The following CNOT3 variants were observed in gnomAD, a reference collection of about 807,000 sequenced individuals.
The protein encoded by CNOT3 is CCR4-NOT transcription complex subunit 3.
Under a neutral mutation model 89.4 loss-of-function variants are expected in CNOT3, and 2 were observed. The ratio of observed to expected loss-of-function variants is 0.02; its 90% CI spans 0.01 to 0.07. The LOEUF is 0.07. Ranked by LOEUF, CNOT3 falls within the 10% of genes least tolerant of loss-of-function variation. The pLI is 1.00. For missense variants in CNOT3, 664 were observed against 1,010.2 expected (o/e 0.66, Z 4.65); for synonymous variants, 486 against 402.0 (o/e 1.21, Z -2.50).
At position 54,148,190 on chromosome 19, in the gene CNOT3, C is replaced by T. The variant is rs587744329; in HGVS notation, c.937C>T (p.His313Tyr). Residue 313 changes from histidine to tyrosine, a missense_variant, in exon 11 of 18, where the codon CAC (histidine) becomes TAC (tyrosine). Physicochemically the swap from His to Tyr is moderately conservative, Grantham distance 83. Coordinates refer to ENST00000221232, the MANE Select transcript of CNOT3 (RefSeq NM_014516.4). The surrounding 1 kb of genome is among the most constrained non-coding windows in gnomAD (Gnocchi z 6.3). ...CTCCAAGCCTGTCCACAGCAACCAG[C>T]ACCCTCAGTCCCCAGCTGTGCCGCC... is the stretch of plus-strand genomic sequence containing the variant. ...NGSKPVHSNQHPQSPAVPPTY... is the reference protein window; with the variant it reads ...NGSKPVHSNQYPQSPAVPPTY... 60 of 1,568,582 alleles carry T rather than the reference C, an allele frequency of 3.8e-5. No individual in the cohort carries two copies. The South Asian group carries it at 4.9e-4, about 13-fold the overall frequency.
In CNOT3 at chr19:54,155,489, GA is replaced by G; in HGVS notation, c.*83del. On this transcript the variant is annotated 3_prime_UTR_variant, in exon 18 of 18. Coordinates refer to ENST00000221232, the MANE Select transcript of CNOT3 (RefSeq NM_014516.4). ...GTGAGGGCCCTGCCCTGGAAGACTG[GA>G]GGGAGGCCCCAAGCCACGGGGCATC... 9.5e-7 allele frequency: 1 copy of G among 1,052,980 alleles called. No homozygotes were observed. The highest frequency in any genetic ancestry group is 1.4e-6 in the Non-Finnish European group (1 of 726,168). 65.2% of individuals were successfully genotyped at this position (1,052,980 alleles called of 1,614,324 possible). A position where few individuals can be genotyped will look rare whatever the true frequency, so the allele number is the denominator to read the frequency against.
At chr19:54,142,460 C>T (rs1221355667) in intron 1 of CNOT3, 1 of 31,640 alleles carries the variant, frequency 3.2e-5, no homozygotes, top group African/African-American at 3.1e-4. Flanking sequence ...ACGCCCTTCT[C>T]TGTGAGCTGC....
intron 15 of CNOT3, 48 bp downstream of exon 15, chr19:54,152,674 G>C: frequency 3.4e-6 from 5 of 1,492,278 alleles, no homozygotes; most frequent in Non-Finnish European, 4.7e-6. Context: ...GAGTCTTACG[G>C]AGGAGGCAGT....
At chr19:54,140,397 A>AGCACAGGTTCTTCACGCAGCACAG (rs2074399765) in intron 1 of CNOT3, among the ~76,000 whole-genome samples, 4 of 151,574 alleles carry the variant, frequency 2.6e-5, no homozygotes, top group Non-Finnish European at 5.9e-5. Flanking sequence ...CACGCCTGAG[A>AGCACAGGTTCTTCACGCAGCACAG]GTGGACCTGC....
intron 10 of CNOT3, among the ~76,000 whole-genome samples, chr19:54,147,868 G>A (rs1318035806): frequency 2.0e-5 from 3 of 152,220 alleles, no homozygotes; most frequent in Non-Finnish European, 4.4e-5. Flanking sequence ...GACAACCTAA[G>A]TTGTGTGTCA....
intron 1 of CNOT3, among the ~76,000 whole-genome samples, chr19:54,138,622 G>T (rs1298585327): frequency 6.6e-6 from 1 of 152,216 alleles, no homozygotes; most frequent in Non-Finnish European, 1.5e-5. Context: ...GCCTCCCCTG[G>T]ATCTCAGGTT....
intron 1 of CNOT3, among the ~76,000 whole-genome samples, chr19:54,139,884 T>G (rs1382476629): frequency 1.3e-5 from 2 of 152,146 alleles, no homozygotes; most frequent in Non-Finnish European, 2.9e-5. Context: ...TGACTACCTC[T>G]ACCCCAGGCC....
At position 54,152,850 on chromosome 19, in the gene CNOT3, T is replaced by A. The variant is rs757374902; in HGVS notation, c.1905-17T>A. ...ACTAGTAGGCAGCTGGCACTGACCT[T>A]CCTGTTGCTCTCACAGGCAGTACCT... On this transcript the variant is annotated splice_polypyrimidine_tract_variant and intron_variant, in intron 15 of 17. Coordinates refer to ENST00000221232, the MANE Select transcript of CNOT3 (RefSeq NM_014516.4). The A allele has an allele frequency of 4.6e-6, 6 of 1,305,252 alleles. No individual in the cohort carries two copies. The highest frequency in any genetic ancestry group is 6.5e-6 in the Non-Finnish European group (6 of 924,750). 80.9% of individuals were successfully genotyped at this position (1,305,252 alleles called of 1,614,324 possible). A position where few individuals can be genotyped will look rare whatever the true frequency, so the allele number is the denominator to read the frequency against.
chr19:54,139,129 T>A (rs975504442), intron 1 of CNOT3, among the ~76,000 whole-genome samples: 1 of 152,122 alleles, frequency 6.6e-6, no homozygotes, highest in Non-Finnish European at 1.5e-5. Context: ...TTCTGAGCAG[T>A]CCCTGCCTCT....
At position 54,148,373 on chromosome 19, in the gene CNOT3, G is replaced by A; in HGVS notation, c.1120G>A (p.Ala374Thr). ...NSGTPAPYAQ[A>T]VAPPAPSGPS... is the part of the protein sequence containing the mutation. ...GGGCACCCCTGCTCCCTATGCCCAG[G>A]CTGTGGCCCCACCAGCTCCCAGTGG... The change falls in exon 11 of 18, where the codon GCT becomes ACT. Residue 374 changes from alanine (A) to threonine (T), a missense_variant. This residue lies in a region of CNOT3 where 545 missense variants were observed against 566.2 expected (regional missense o/e 0.96). Transcript: ENST00000221232. The surrounding 1 kb of genome is among the most constrained non-coding windows in gnomAD (Gnocchi z 6.3). The A allele has an allele frequency of 6.4e-7, 1 of 1,568,206 alleles. No homozygotes were observed. Among genetic ancestry groups the A allele is most frequent in the Admixed American group, 1.8e-5 (1 of 55,136 alleles).
chr19:54,148,349 G>A lies in CNOT3; in HGVS notation c.1096G>A (p.Gly366Ser), dbSNP rs751645336. 6.3e-7 allele frequency: 1 copy of A among 1,589,258 alleles called. No homozygotes were observed. Among genetic ancestry groups the A allele is most frequent in the South Asian group, 1.1e-5 (1 of 87,294 alleles). ...KASPAPSHNS[G>S]TPAPYAQAVA... ...CAGTCCAGCTCCCAGCCACAACTCG[G>A]GCACCCCTGCTCCCTATGCCCAGGC... is the stretch of plus-strand genomic sequence containing the variant. The change falls in exon 11 of 18, where the codon GGC (glycine) becomes AGC (serine). Residue 366 changes from glycine to serine, a missense_variant. Physicochemically the swap from Gly to Ser is moderately conservative, Grantham distance 56. Coordinates refer to ENST00000221232, the MANE Select transcript of CNOT3 (RefSeq NM_014516.4). The surrounding 1 kb of genome is among the most constrained non-coding windows in gnomAD (Gnocchi z 6.3).
chr19:54,152,672 C>T (rs202242424), intron 15 of CNOT3, 46 bp downstream of exon 15: 63 of 1,495,466 alleles, frequency 4.2e-5, no homozygotes, highest in South Asian at 1.6e-4. Flanking sequence ...TTGAGTCTTA[C>T]GGAGGAGGCA....
Position 54,148,877 on chromosome 19 carries a change from ATCTCCC to A in CNOT3, c.1406+137_1406+142del. 1.4e-6 allele frequency: 1 copy of A among 737,788 alleles called. No homozygotes were observed. The highest frequency in any genetic ancestry group is 2.9e-5 in the Admixed American group (1 of 34,040). The allele number at this position is 737,788 out of a possible 1,614,324, so 45.7% of individuals were successfully genotyped here. A position where few individuals can be genotyped will look rare whatever the true frequency, so the allele number is the denominator to read the frequency against. ...TGGGAATGGCCAAGCGCTATCCTCC[ATCTCCC>A]TCGGGTGTTACACCCCCACTTCTTT... On this transcript the variant is annotated intron_variant, in intron 12 of 17. Transcript: ENST00000221232. The surrounding 1 kb of genome is among the most constrained non-coding windows in gnomAD (Gnocchi z 6.3).
chr19:54,148,017 G>A lies in CNOT3; in HGVS notation c.895-131G>A. The A allele has an allele frequency of 1.7e-6, 1 of 601,426 alleles. No individual in the cohort carries two copies. Among genetic ancestry groups the A allele is most frequent in the East Asian group, 3.3e-5 (1 of 30,100 alleles). 37.3% of individuals were successfully genotyped at this position (601,426 alleles called of 1,614,324 possible). On this transcript the variant is annotated intron_variant, in intron 10 of 17. Transcript: ENST00000221232. This position sits in a 1 kb window ranked among gnomAD's most constrained non-coding sequence, Gnocchi z 6.3. The stretch of plus-strand genomic sequence containing the variant: ...AGTAAGGTCACCCAGGTCCCCAAGA[G>A]GGCAGGAGCAGGTGGGGGCAGCGAG...
At position 54,155,584 on chromosome 19, in the gene CNOT3, G is replaced by A; in HGVS notation, c.*177G>A. The A allele has an allele frequency of 1.9e-6, 2 of 1,027,988 alleles. No homozygotes were observed. The highest frequency in any genetic ancestry group is 2.8e-6 in the Non-Finnish European group (2 of 713,010). The allele number at this position is 1,027,988 out of a possible 1,614,324, so 63.7% of individuals were successfully genotyped here. A position where few individuals can be genotyped will look rare whatever the true frequency, so the allele number is the denominator to read the frequency against. On this transcript the variant is annotated 3_prime_UTR_variant, in exon 18 of 18. Transcript: ENST00000221232. The stretch of plus-strand genomic sequence containing the variant: ...TCAGCCCCACCCTGGGGGCCCGGGG[G>A]CGAGGGCTGCCCCCTCCTCCCCTCC...
chr19:54,153,056 C>T (rs545335537), intron 16 of CNOT3, 57 bp downstream of exon 16: 486 of 1,549,898 alleles, frequency 3.1e-4, no homozygotes, highest in East Asian at 6.7e-4. Context: ...CCACCGCCGC[C>T]GTCCCCCCTC....
At position 54,150,612 on chromosome 19, in the gene CNOT3, AGGAGG is replaced by A. The variant is rs1222479939; in HGVS notation, c.1605+855_1605+859del. On this transcript the variant is annotated intron_variant, in intron 13 of 17. Transcript: ENST00000221232. ...GGCAGTGTGCGCGCCCAGGCTGTCCAGGAGGCAGTGTGCGCGCCCAGGCTGTCCAG... is the reference window on the plus strand; with the variant it reads ...GGCAGTGTGCGCGCCCAGGCTGTCCACAGTGTGCGCGCCCAGGCTGTCCAG... Among the ~76,000 whole-genome samples, 12 of 151,902 alleles carry A rather than the reference AGGAGG, an allele frequency of 7.9e-5. No homozygotes were observed. In the South Asian group the frequency reaches 2.1e-3, roughly 26 times the overall value.
Position 54,148,611 on chromosome 19 carries a change from TGTTC to T in CNOT3, c.1283-8_1283-5del. 5 of 1,608,654 alleles carry T rather than the reference TGTTC, an allele frequency of 3.1e-6. No homozygotes were observed. In the South Asian group the frequency reaches 5.5e-5, roughly 18 times the overall value. ...GCAGCAGCCCTTTCCATTTACTCTT[TGTTC>T]CCAGGTTACAGCTCAGTTGTGGCAG... On this transcript the variant is annotated splice_region_variant and splice_polypyrimidine_tract_variant and intron_variant, in intron 11 of 17. Coordinates refer to ENST00000221232, the MANE Select transcript of CNOT3 (RefSeq NM_014516.4). This position sits in a 1 kb window ranked among gnomAD's most constrained non-coding sequence, Gnocchi z 6.3.
At chr19:54,149,141 T>C (rs1236214967) in intron 12 of CNOT3, among the ~76,000 whole-genome samples, 1 of 152,162 alleles carries the variant, frequency 6.6e-6, no homozygotes, top group African/African-American at 2.4e-5. Flanking sequence ...GCTCAGACCA[T>C]TCCACTGGGT....
Sources: allele counts gnomAD v4.1 joint callset (sites outside exome capture counted in the v4.1 genomes callset), GRCh38; gene constraint gnomAD v4.1.1; regional missense constraint gnomAD v4.1.1; non-coding constraint Gnocchi (gnomAD v3.1); transcripts MANE v1.5; gene names NCBI Gene and HGNC (gene_info 2026-07-23, HGNC 2026-07-21).